PHLDB2: variants seen among roughly 807,000 people sequenced by gnomAD.
The protein encoded by PHLDB2 is pleckstrin homology-like domain family B member 2.
In PHLDB2, 71 loss-of-function variants were observed where a neutral mutation model predicts 123.6. The observed-to-expected ratio is 0.57, with a 90% CI of 0.47 to 0.70. The LOEUF (loss-of-function observed/expected upper bound fraction) is 0.70. Among genes scored for constraint, PHLDB2 ranks in the 30% least tolerant of loss-of-function variants. PHLDB2 has a pLI of 0.00. For synonymous variants in PHLDB2, 547 were observed against 541.6 expected (o/e 1.01, Z -0.14); for missense variants, 1,446 against 1,519.5 (o/e 0.95, Z 0.80).
At chr3:111,743,302 T>C (rs754898018) in intron 1 of PHLDB2, among the ~76,000 whole-genome samples, 1 of 152,120 alleles carries the variant, frequency 6.6e-6, no homozygotes, top group Non-Finnish European at 1.5e-5. Context: ...GGAAAAAGAA[T>C]TCAAACTTTG....
intron 6 of PHLDB2, among the ~76,000 whole-genome samples, chr3:111,936,558 G>A (rs1382298918): frequency 6.6e-6 from 1 of 152,186 alleles, no homozygotes; most frequent in Non-Finnish European, 1.5e-5. Flanking sequence ...TGGAGTCTGA[G>A]TGCTGAGCTT....
intron 6 of PHLDB2, among the ~76,000 whole-genome samples, chr3:111,933,600 TAC>T (rs2069270288): frequency 6.6e-6 from 1 of 152,248 alleles, no homozygotes; most frequent in Non-Finnish European, 1.5e-5. Context: ...GTCTTCCCTT[TAC>T]TCTTTTTATT....
chr3:111,898,019 T>C (rs1356163657), intron 2 of PHLDB2, among the ~76,000 whole-genome samples: 1 of 152,218 alleles, frequency 6.6e-6, no homozygotes, highest in Non-Finnish European at 1.5e-5. Flanking sequence ...AAATACTTTA[T>C]TGCTTAAAAA....
intron 2 of PHLDB2, among the ~76,000 whole-genome samples, chr3:111,886,165 T>C (rs80052599): frequency 0.021 from 3,136 of 152,378 alleles, 131 homozygotes; most frequent in African/African-American, 0.071. Flanking sequence ...TGTGAGAGAT[T>C]ACTTTGATTC....
chr3:111,941,980 CTCTA>C (rs1177937452), intron 8 of PHLDB2, among the ~76,000 whole-genome samples: 2 of 152,188 alleles, frequency 1.3e-5, no homozygotes, highest in Non-Finnish European at 2.9e-5. Context: ...TATTTTCCCT[CTCTA>C]TCCCTTGCTC....
At chr3:111,888,239 G>A (rs1271913890) in intron 2 of PHLDB2, among the ~76,000 whole-genome samples, 1 of 152,028 alleles carries the variant, frequency 6.6e-6, no homozygotes, top group East Asian at 1.9e-4. Flanking sequence ...TAGGGGCACA[G>A]TGAACAAACC....
chr3:111,862,459 A>G (rs2064880168), intron 1 of PHLDB2, among the ~76,000 whole-genome samples: 1 of 152,152 alleles, frequency 6.6e-6, no homozygotes, highest in Admixed American at 6.5e-5. Flanking sequence ...CTGGCAACGT[A>G]TTTTTGGTTG....
intron 1 of PHLDB2, among the ~76,000 whole-genome samples, chr3:111,786,120 G>A (rs925118958): frequency 6.6e-6 from 1 of 152,098 alleles, no homozygotes; most frequent in African/African-American, 2.4e-5. Flanking sequence ...ATCCACAGAT[G>A]CTCAAGTCTC....
intron 1 of PHLDB2, among the ~76,000 whole-genome samples, chr3:111,818,910 T>C (rs553022632): frequency 3.3e-5 from 5 of 152,252 alleles, no homozygotes; most frequent in African/African-American, 1.2e-4. Flanking sequence ...CCAAATTTCA[T>C]GTCCACCTGT....
intron 1 of PHLDB2, among the ~76,000 whole-genome samples, chr3:111,816,199 T>A (rs1369851334): frequency 6.6e-6 from 1 of 152,064 alleles, no homozygotes; most frequent in Non-Finnish European, 1.5e-5. Flanking sequence ...AAATTTGGGG[T>A]CAGAGCCCCT....
chr3:111,769,324 G>A (rs190355405), intron 1 of PHLDB2, among the ~76,000 whole-genome samples: 3 of 152,276 alleles, frequency 2.0e-5, no homozygotes, highest in African/African-American at 7.2e-5. Context: ...AATGTTCTGG[G>A]AGGCAGCCCA....
At chr3:111,775,399 T>C (rs752932876) in intron 1 of PHLDB2, among the ~76,000 whole-genome samples, 11 of 152,102 alleles carry the variant, frequency 7.2e-5, no homozygotes, top group Non-Finnish European at 1.5e-4. Flanking sequence ...AGATGATACT[T>C]TAGAAAAACT....
At chr3:111,891,964 G>T (rs1208236375) in intron 2 of PHLDB2, among the ~76,000 whole-genome samples, 1 of 152,162 alleles carries the variant, frequency 6.6e-6, no homozygotes, top group Non-Finnish European at 1.5e-5. Flanking sequence ...AGAACCAGTG[G>T]ATTCCCACAA....
chr3:111,774,188 T>G (rs573718415), intron 1 of PHLDB2, among the ~76,000 whole-genome samples: 1 of 152,280 alleles, frequency 6.6e-6, no homozygotes, highest in East Asian at 1.9e-4. Flanking sequence ...CCCACCTCTG[T>G]TGTGTGCTCT....
chr3:111,903,845 T>C (rs990736364), intron 2 of PHLDB2, among the ~76,000 whole-genome samples: 2 of 152,208 alleles, frequency 1.3e-5, no homozygotes, highest in African/African-American at 4.8e-5. Flanking sequence ...CTCATCTCTG[T>C]TTTATAGACC....
At chr3:111,857,952 G>A (rs145429440), upstream of PHLDB2, among the ~76,000 whole-genome samples, 384 of 152,238 alleles carry the variant, frequency 2.5e-3, no homozygotes, top group African/African-American at 9.0e-3. Context: ...TCCCATTACT[G>A]GGTATATACC....
chr3:111,739,059 G>A (rs2059556050), intron 1 of PHLDB2, among the ~76,000 whole-genome samples: 1 of 152,134 alleles, frequency 6.6e-6, no homozygotes, highest in Non-Finnish European at 1.5e-5. Flanking sequence ...CATCTCTAAT[G>A]TCTTCTCTAG....
chr3:111,875,869 G>T (rs1272204680), intron 1 of PHLDB2, among the ~76,000 whole-genome samples: 1 of 151,310 alleles, frequency 6.6e-6, no homozygotes, highest in East Asian at 1.9e-4. Context: ...TTAAAATGAA[G>T]TGTTGCTACA....
rs1384085195 is a variant in PHLDB2 at position 111,949,674 on chromosome 3, A to G, written c.2631+599A>G. 3 of 948,612 alleles carry G rather than the reference A, an allele frequency of 3.2e-6. No individual in the cohort carries two copies. The South Asian group carries it at 1.5e-4, about 46-fold the overall frequency. The allele number at this position is 948,612 out of a possible 1,614,324, so 58.8% of individuals were successfully genotyped here. On this transcript the variant is annotated intron_variant, in intron 10 of 17. Transcript: ENST00000431670. ...TTATTCTTTCATTTCATGTGGACAC[A>G]TATATACCTTTTCTTTCTCCTATAA... is the stretch of plus-strand genomic sequence containing the variant.
Sources: gnomAD v4.1 joint callset for allele counts (sites outside exome capture counted in the v4.1 genomes callset) on GRCh38, gnomAD v4.1.1 for gene constraint, MANE v1.5 for transcripts, NCBI Gene and HGNC (gene_info 2026-07-23, HGNC 2026-07-21) for gene names.